The following MANBA variants were observed in gnomAD, a reference collection of about 807,000 sequenced individuals.
MANBA encodes the protein mannosidase beta, also known as beta-mannosidase.
In MANBA, 83 loss-of-function variants were observed where a neutral mutation model predicts 111.1. That is an observed-to-expected ratio of 0.75 (90% CI 0.63 to 0.90). The LOEUF (loss-of-function observed/expected upper bound fraction) is 0.90. MANBA is among the 40% of genes least tolerant of loss of function. The probability of loss-of-function intolerance (pLI) is 0.00; values close to 1 mark genes in which losing one functional copy is unlikely to be tolerated. For synonymous variants in MANBA, 370 were observed against 378.7 expected, an observed-to-expected ratio of 0.98 and a Z score of 0.27; for missense variants, 1,036 against 1,069.0, an observed-to-expected ratio of 0.97 and a Z score of 0.43.
chr4:102,671,226 G>T, intron 9 of MANBA, 55 bp downstream of exon 9: 3 of 1,117,000 alleles, frequency 2.7e-6, no homozygotes, highest in Non-Finnish European at 4.1e-6. Context: ...AACATTGGCA[G>T]TCAAACTGAG....
At chr4:102,744,315 T>A (rs536099441) in intron 1 of MANBA, among the ~76,000 whole-genome samples, 7 of 152,338 alleles carry the variant, frequency 4.6e-5, no homozygotes, top group Admixed American at 1.3e-4. Context: ...GATGCACATG[T>A]CTCACCAATA....
intron 4 of MANBA, among the ~76,000 whole-genome samples, chr4:102,718,475 T>G (rs1008282700): frequency 6.6e-6 from 1 of 152,002 alleles, no homozygotes; most frequent in Non-Finnish European, 1.5e-5. Flanking sequence ...AATATAACTT[T>G]TAGGAGAACA....
At chr4:102,733,711 G>A (rs564093547) in intron 1 of MANBA, among the ~76,000 whole-genome samples, 1 of 152,254 alleles carries the variant, frequency 6.6e-6, no homozygotes, top group African/African-American at 2.4e-5. Context: ...GTAATCTGAT[G>A]TTAATCAATC....
chr4:102,670,361 A>G (rs1731441070), intron 9 of MANBA, among the ~76,000 whole-genome samples: 1 of 152,138 alleles, frequency 6.6e-6, no homozygotes, highest in Non-Finnish European at 1.5e-5. Flanking sequence ...CACTTAGAAC[A>G]ATGCCTGGCA....
chr4:102,693,177 A>T (rs969910044), intron 5 of MANBA, among the ~76,000 whole-genome samples: 31 of 152,310 alleles, frequency 2.0e-4, no homozygotes, highest in African/African-American at 7.2e-4. Context: ...TTTTGAATCT[A>T]TCAGCTGGTA....
chr4:102,645,460 C>G (rs1418207501), intron 13 of MANBA, among the ~76,000 whole-genome samples: 3 of 151,918 alleles, frequency 2.0e-5, no homozygotes, highest in Non-Finnish European at 4.4e-5. Flanking sequence ...TTTAAACATT[C>G]TTAGAATTCA....
intron 1 of MANBA, among the ~76,000 whole-genome samples, chr4:102,741,830 T>C (rs1053602353): frequency 3.9e-5 from 6 of 152,268 alleles, no homozygotes; most frequent in African/African-American, 1.4e-4. Context: ...TGTATACTGC[T>C]TGGGTGATGG....
chr4:102,738,681 T>C (rs1482300469), intron 1 of MANBA, among the ~76,000 whole-genome samples: 1 of 152,140 alleles, frequency 6.6e-6, no homozygotes, highest in Non-Finnish European at 1.5e-5. Flanking sequence ...TCTGGTAATA[T>C]GACAAAACAA....
At chr4:102,746,507 A>G (rs1403623444) in intron 1 of MANBA, among the ~76,000 whole-genome samples, 1 of 152,224 alleles carries the variant, frequency 6.6e-6, no homozygotes, top group African/African-American at 2.4e-5. Context: ...GCAACCAACC[A>G]GCTTTATTAT....
chr4:102,722,749 T>A, intron 4 of MANBA, 122 bp downstream of exon 4: 1 of 993,112 alleles, frequency 1.0e-6, no homozygotes, highest in African/African-American at 1.6e-5. Flanking sequence ...CAAACCCCAC[T>A]AAGGGATCAG....
intron 7 of MANBA, 119 bp from the exon 8 acceptor site, chr4:102,674,189 T>C (rs1731621405): frequency 1.4e-6 from 1 of 728,792 alleles, no homozygotes; most frequent in African/African-American, 1.8e-5. Flanking sequence ...AATTTTCCTA[T>C]TTACTATGAA....
intron 1 of MANBA, among the ~76,000 whole-genome samples, chr4:102,756,132 C>A (rs552508726): frequency 6.6e-6 from 1 of 152,090 alleles, no homozygotes; most frequent in African/African-American, 2.4e-5. Context: ...GGGTATATAC[C>A]CAAAGTATTA....
chr4:102,752,102 G>A (rs1578961546), intron 1 of MANBA: 1 of 762,548 alleles, frequency 1.3e-6, no homozygotes, highest in Admixed American at 1.7e-5. Flanking sequence ...AATCGACAGA[G>A]AACACAGAGC....
intron 5 of MANBA, among the ~76,000 whole-genome samples, chr4:102,704,644 A>G (rs1204790281): frequency 6.6e-6 from 1 of 152,180 alleles, no homozygotes; most frequent in African/African-American, 2.4e-5. Context: ...ACATAAAAGT[A>G]TCCAGACCAC....
intron 7 of MANBA, chr4:102,682,786 T>C (rs978919894): frequency 6.6e-6 from 1 of 152,170 alleles, no homozygotes; most frequent in Admixed American, 6.6e-5. Context: ...CCAGCAATGA[T>C]GAGAAACTGG....
intron 5 of MANBA, among the ~76,000 whole-genome samples, chr4:102,697,297 G>A (rs1732761231): frequency 2.0e-5 from 3 of 151,990 alleles, no homozygotes; most frequent in Admixed American, 2.0e-4. Flanking sequence ...CCAAATGAAT[G>A]CATTAAAAAA....
chr4:102,746,238 C>T (rs758206033), intron 1 of MANBA, among the ~76,000 whole-genome samples: 3 of 152,222 alleles, frequency 2.0e-5, no homozygotes, highest in Non-Finnish European at 4.4e-5. Flanking sequence ...TGCAGGGTCC[C>T]ATTCTTTTCC....
chr4:102,669,360 C>G (rs960486928), intron 9 of MANBA, among the ~76,000 whole-genome samples: 28 of 152,128 alleles, frequency 1.8e-4, no homozygotes, highest in Non-Finnish European at 3.2e-4. Context: ...TTCCCTCCAG[C>G]CCCTTGTCAC....
chr4:102,714,394 C>A (rs1466158085), intron 5 of MANBA, 44 bp downstream of exon 5: 7 of 1,551,856 alleles, frequency 4.5e-6, no homozygotes, highest in Non-Finnish European at 6.2e-6. Flanking sequence ...ATTTTTATAA[C>A]AAGAAGACTC....
Sources: gnomAD v4.1 joint callset for allele counts (sites outside exome capture counted in the v4.1 genomes callset) on GRCh38, gnomAD v4.1.1 for gene constraint, MANE v1.5 for transcripts, NCBI Gene and HGNC (gene_info 2026-07-23, HGNC 2026-07-21) for gene names.